SCAPER: variants seen among roughly 807,000 people sequenced by gnomAD.
SCAPER encodes the protein S-phase cyclin A associated protein in the ER.
A neutral mutation model predicts 182.2 loss-of-function variants in SCAPER; 98 were observed. The observed-to-expected ratio is 0.54, with a 90% CI of 0.46 to 0.64. The LOEUF (loss-of-function observed/expected upper bound fraction) is 0.64, where lower values mean the gene tolerates loss of function less well. Ranked by LOEUF, SCAPER falls within the 30% of genes least tolerant of loss-of-function variation. The pLI is 0.00. For synonymous variants in SCAPER, 605 were observed against 564.6 expected (o/e 1.07, Z -1.01); for missense variants, 1,432 against 1,690.0 (o/e 0.85, Z 2.68).
At position 76,728,642 on chromosome 15, in the gene SCAPER, CCT is replaced by C; in HGVS notation, c.2116_2117del (p.Arg706AlafsTer8). Reference protein sequence around the residue: ...KEQEARIEQQRQEKEKAREDA... With the variant: ...KEQEARIEQQXQEKEKAREDA... ...CCTCACGGGCTTTTTCCTTTTCTTG[CCT>C]CTGTTGTTCAATTCGGGCTTCTTGT... On this transcript the variant is annotated frameshift_variant, in exon 17 of 32. Coordinates refer to ENST00000563290, the MANE Select transcript of SCAPER (RefSeq NM_020843.4). LOFTEE classifies it high-confidence loss of function. 1 of 1,613,672 alleles carries C rather than the reference CCT, an allele frequency of 6.2e-7. No homozygotes were observed. The highest frequency in any genetic ancestry group is 8.5e-7 in the Non-Finnish European group (1 of 1,179,692).
At chr15:76,360,188 G>A (rs1465438432) in intron 29 of SCAPER, among the ~76,000 whole-genome samples, 3 of 152,160 alleles carry the variant, frequency 2.0e-5, no homozygotes, top group Admixed American at 6.5e-5. Flanking sequence ...GTTTCACTTG[G>A]TATGAAGGAA....
At position 76,741,297 on chromosome 15, in the gene SCAPER, G is replaced by C. The variant is rs1018689347; in HGVS notation, c.1867-7913C>G. On this transcript the variant is annotated intron_variant, in intron 15 of 31. Coordinates refer to ENST00000563290, the MANE Select transcript of SCAPER (RefSeq NM_020843.4). ...CTGAGGGTGGGATTGAGTTTCCTTTGCTATGTTGCTTAAATTCTTCAAAAT... is the reference window on the plus strand; with the variant it reads ...CTGAGGGTGGGATTGAGTTTCCTTTCCTATGTTGCTTAAATTCTTCAAAAT... Among the ~76,000 whole-genome samples the C allele has an allele frequency of 3.9e-5, 6 of 152,118 alleles. No individual in the cohort carries two copies. In the South Asian group the frequency reaches 1.2e-3, roughly 32 times the overall value.
At chr15:76,476,913 T>G (rs200650748) in intron 24 of SCAPER, among the ~76,000 whole-genome samples, 9 of 5,566 alleles carry the variant, frequency 1.6e-3, no homozygotes, top group Non-Finnish European at 0.014. Context: ...CAATTTTCAA[T>G]GTTATAAAGT....
chr15:76,574,930 A>C (rs1437672621), intron 22 of SCAPER, among the ~76,000 whole-genome samples: 1 of 152,096 alleles, frequency 6.6e-6, no homozygotes, highest in Non-Finnish European at 1.5e-5. Flanking sequence ...TTTACTTGAG[A>C]ATCCACTAAT....
At chr15:76,683,061 G>A (rs1053420975) in intron 20 of SCAPER, among the ~76,000 whole-genome samples, 1 of 152,124 alleles carries the variant, frequency 6.6e-6, no homozygotes, top group African/African-American at 2.4e-5. Context: ...GGCTGAAATG[G>A]CTGAAATGAC....
rs2046102685 is a variant in SCAPER at position 76,422,268 on chromosome 15, ATTTG to A, written c.3311+11806_3311+11809del. Reference sequence around the variant, plus strand: ...ATCCATAAGCATGGAATGTTCTTTCATTTGTTTGTGTTCTCTTTTATTTCATTGA... The same window carrying A: ...ATCCATAAGCATGGAATGTTCTTTCATTTGTGTTCTCTTTTATTTCATTGA... On this transcript the variant is annotated intron_variant, in intron 26 of 31. Coordinates refer to ENST00000563290, the MANE Select transcript of SCAPER (RefSeq NM_020843.4). 2.0e-5 allele frequency among the ~76,000 whole-genome samples: 3 copies of A among 152,226 alleles called. No individual in the cohort carries two copies. In the East Asian group the frequency reaches 5.8e-4, roughly 29 times the overall value.
intron 22 of SCAPER, among the ~76,000 whole-genome samples, chr15:76,589,153 T>C (rs528247230): frequency 2.0e-5 from 3 of 152,268 alleles, no homozygotes; most frequent in African/African-American, 7.2e-5. Context: ...TGAGGGTCCT[T>C]AGTTGCAGTC....
chr15:76,756,394 T>C (rs541692918), intron 14 of SCAPER, among the ~76,000 whole-genome samples: 2 of 151,900 alleles, frequency 1.3e-5, no homozygotes, highest in Non-Finnish European at 2.9e-5. Context: ...CTGGGCAACA[T>C]GGCAAGACCC....
intron 25 of SCAPER, among the ~76,000 whole-genome samples, chr15:76,456,554 T>A (rs1210074043): frequency 6.6e-6 from 1 of 152,212 alleles, no homozygotes; most frequent in African/African-American, 2.4e-5. Flanking sequence ...AGAAAGAATG[T>A]GTGTATTCTA....
chr15:76,835,795 A>G (rs2068887876), intron 5 of SCAPER, among the ~76,000 whole-genome samples: 1 of 152,174 alleles, frequency 6.6e-6, no homozygotes, highest in Non-Finnish European at 1.5e-5. Context: ...AAAACCTTAT[A>G]GTCTCTGTCC....
At chr15:76,485,082 G>T (rs190138631) in intron 24 of SCAPER, among the ~76,000 whole-genome samples, 1,679 of 152,240 alleles carry the variant, frequency 0.011, 111 homozygotes, top group Admixed American at 0.1. Flanking sequence ...GAAGTAAAGG[G>T]CATTCAAATA....
intron 29 of SCAPER, among the ~76,000 whole-genome samples, chr15:76,373,055 T>TC (rs1344630314): frequency 8.1e-5 from 12 of 147,812 alleles, no homozygotes; most frequent in African/African-American, 2.7e-4. Flanking sequence ...TTTCTTTCTT[T>TC]TTTTTTTTTT....
chr15:76,432,220 G>C (rs897226799), intron 26 of SCAPER, among the ~76,000 whole-genome samples: 3 of 152,192 alleles, frequency 2.0e-5, no homozygotes, highest in Admixed American at 6.5e-5. Context: ...ACGACCAAAA[G>C]GACATGGGGA....
chr15:76,497,758 C>T (rs956479870), intron 24 of SCAPER, among the ~76,000 whole-genome samples: 2 of 151,562 alleles, frequency 1.3e-5, no homozygotes, highest in Non-Finnish European at 2.9e-5. Context: ...TTTGGGAGGC[C>T]GAGGTGGGTG....
Position 76,601,995 on chromosome 15 carries a change from A to T in SCAPER, c.2711+19769T>A, listed in dbSNP as rs1329730325. Among the ~76,000 whole-genome samples, 3 of 121,116 alleles carry T rather than the reference A, an allele frequency of 2.5e-5. 1 individual carries two copies. Among genetic ancestry groups the T allele is most frequent in the Non-Finnish European group, 6.0e-5 (3 of 49,962 alleles). The allele number at this position is 121,116 out of a possible 152,430, so 79.5% of individuals were successfully genotyped here. On this transcript the variant is annotated intron_variant, in intron 22 of 31. Coordinates refer to ENST00000563290, the MANE Select transcript of SCAPER (RefSeq NM_020843.4). ...CCATATCCATGAGTTTTATATCCTG[A>T]GAATACTACATTTTCAATCCGTGTT...
chr15:76,819,641 A>C (rs948532513), intron 5 of SCAPER, among the ~76,000 whole-genome samples: 3 of 152,212 alleles, frequency 2.0e-5, no homozygotes, highest in Non-Finnish European at 4.4e-5. Flanking sequence ...GGGAAAAAAC[A>C]GAGTAGAAAA....
chr15:76,377,687 A>C (rs2042663538), intron 28 of SCAPER, among the ~76,000 whole-genome samples: 1 of 152,236 alleles, frequency 6.6e-6, no homozygotes, highest in Non-Finnish European at 1.5e-5. Context: ...TTTGCTGAAG[A>C]GGGAAAAATA....
At chr15:76,475,478 C>T (rs2143007253) in intron 24 of SCAPER, among the ~76,000 whole-genome samples, 1 of 152,242 alleles carries the variant, frequency 6.6e-6, no homozygotes, top group East Asian at 1.9e-4. Flanking sequence ...AGGCACACAC[C>T]ACCACACCCA....
At chr15:76,382,043 G>A (rs1196390252) in intron 27 of SCAPER, among the ~76,000 whole-genome samples, 1 of 152,204 alleles carries the variant, frequency 6.6e-6, no homozygotes, top group Non-Finnish European at 1.5e-5. Context: ...ATTAGGGAAA[G>A]CATGAGGCCT....
Sources: gnomAD v4.1 joint callset for allele counts (sites outside exome capture counted in the v4.1 genomes callset) on GRCh38, gnomAD v4.1.1 for gene constraint, MANE v1.5 for transcripts, NCBI Gene and HGNC (gene_info 2026-07-23, HGNC 2026-07-21) for gene names.